The following ITGB5 variants were observed in gnomAD, a reference collection of about 807,000 sequenced individuals.
The protein encoded by ITGB5 is integrin subunit beta 5, also known as integrin beta-5.
Under a neutral mutation model 84.8 loss-of-function variants are expected in ITGB5, and 38 were observed. The observed-to-expected ratio is 0.45, with a 90% CI of 0.35 to 0.59. The LOEUF is 0.59. Among genes scored for constraint, ITGB5 ranks in the 20% least tolerant of loss-of-function variants. ITGB5 has a pLI of 0.01. For missense variants in ITGB5, 905 were observed against 1,034.5 expected (o/e 0.87, Z 1.72); for synonymous variants, 393 against 414.4 (o/e 0.95, Z 0.63).
chr3:124,797,803 A>G (rs2064253546), intron 9 of ITGB5, among the ~76,000 whole-genome samples: 1 of 152,128 alleles, frequency 6.6e-6, no homozygotes, highest in Non-Finnish European at 1.5e-5. Flanking sequence ...TGTGGATTCT[A>G]TGAAAACGCA....
chr3:124,848,549 G>A lies in ITGB5; in HGVS notation c.371C>T (p.Thr124Ile), dbSNP rs1211846260. 21 of 1,611,492 alleles carry A rather than the reference G, an allele frequency of 1.3e-5. No individual in the cohort carries two copies. Among genetic ancestry groups the A allele is most frequent in the Non-Finnish European group, 1.8e-5 (21 of 1,179,552 alleles). The change falls in exon 4 of 15, where the codon ACC becomes ATC. Residue 124 changes from threonine to isoleucine, a missense_variant. By Grantham distance (89) the Thr-to-Ile change is moderately conservative (BLOSUM62 -1). This residue lies in a region of ITGB5 where 656 missense variants were observed against 734.7 expected (regional missense o/e 0.89). Coordinates refer to ENST00000296181, the MANE Select transcript of ITGB5 (RefSeq NM_002213.5). ...CTGGCGAACCTGTAGCTGGAAGGTG[G>A]TCTTGTCACCTGCACCAACAGAGAG... is the stretch of plus-strand genomic sequence containing the variant. Reference protein sequence around the residue: ...IAVNLRPGDKTTFQLQVRQVE... With the variant: ...IAVNLRPGDKITFQLQVRQVE...
chr3:124,859,532 G>T, intron 2 of ITGB5, 86 bp from the exon 3 acceptor site: 1 of 1,011,020 alleles, frequency 9.9e-7, no homozygotes, highest in Non-Finnish European at 1.5e-6. Flanking sequence ...TCTCCATCTG[G>T]TTGACCTTAA....
chr3:124,896,763 A>AAT (rs1553770151), intron 1 of ITGB5, among the ~76,000 whole-genome samples: 12 of 145,150 alleles, frequency 8.3e-5, no homozygotes, highest in East Asian at 4.2e-4. Context: ...AAAAAAAAAA[A>AAT]GGGAGAAGAA....
intron 5 of ITGB5, among the ~76,000 whole-genome samples, chr3:124,827,448 T>C (rs1320674066): frequency 6.6e-6 from 1 of 152,264 alleles, no homozygotes; most frequent in Admixed American, 6.5e-5. Context: ...TATGTGAAGC[T>C]ATATAACTGT....
chr3:124,868,618 C>T (rs7636895), intron 2 of ITGB5, among the ~76,000 whole-genome samples: 12 of 68,140 alleles, frequency 1.8e-4, no homozygotes, highest in African/African-American at 6.5e-4. Context: ...TGTTCTCTAC[C>T]AAAAAAAAAA....
intron 1 of ITGB5, among the ~76,000 whole-genome samples, chr3:124,881,219 G>T (rs1934551223): frequency 6.6e-6 from 1 of 151,986 alleles, no homozygotes; most frequent in African/African-American, 2.4e-5. Flanking sequence ...CCTGACCTCA[G>T]GTAATCTGCC....
At position 124,794,366 on chromosome 3, in the gene ITGB5, C is replaced by T. The variant is rs1049833869; in HGVS notation, c.1693+2022G>A. ...GAAAATTAAGGGCTCCAACACAACA[C>T]ACTAAAAAAGTACCTCTCCTTCTGA... On this transcript the variant is annotated intron_variant, in intron 10 of 14. Coordinates refer to ENST00000296181, the MANE Select transcript of ITGB5 (RefSeq NM_002213.5). Among the ~76,000 whole-genome samples, 15 of 152,270 alleles carry T rather than the reference C, an allele frequency of 9.9e-5. No individual in the cohort carries two copies. In the South Asian group the frequency reaches 1.0e-3, roughly 11 times the overall value.
chr3:124,842,320 C>T (rs557479723), intron 4 of ITGB5, among the ~76,000 whole-genome samples: 1 of 152,366 alleles, frequency 6.6e-6, no homozygotes, highest in South Asian at 2.1e-4. Flanking sequence ...CCTTTTCAGT[C>T]TCCTGTGGAG....
At chr3:124,822,418 T>A (rs75871784) in intron 5 of ITGB5, among the ~76,000 whole-genome samples, 3,766 of 152,328 alleles carry the variant, frequency 0.025, 178 homozygotes, top group African/African-American at 0.086. Flanking sequence ...GAGACTGGAT[T>A]CACAGACCTT....
chr3:124,773,113 G>T (rs2063871992), intron 11 of ITGB5, among the ~76,000 whole-genome samples: 1 of 151,914 alleles, frequency 6.6e-6, no homozygotes, highest in Non-Finnish European at 1.5e-5. Context: ...CACCATGTTG[G>T]CCAGGCTGGT....
intron 8 of ITGB5, among the ~76,000 whole-genome samples, chr3:124,811,913 C>A (rs1471084999): frequency 6.6e-6 from 1 of 152,156 alleles, no homozygotes; most frequent in Non-Finnish European, 1.5e-5. Context: ...TCTTTCTAAT[C>A]CCCACACCTG....
intron 10 of ITGB5, among the ~76,000 whole-genome samples, chr3:124,775,215 C>T (rs138418397): frequency 7.2e-5 from 11 of 151,904 alleles, no homozygotes; most frequent in Admixed American, 1.3e-4. Context: ...TGTGAGAAAG[C>T]GAGTGTGAGT....
chr3:124,796,354 G>A (rs1390116641), intron 10 of ITGB5, 34 bp downstream of exon 10: 2 of 1,561,252 alleles, frequency 1.3e-6, no homozygotes, highest in Non-Finnish European at 1.7e-6. Flanking sequence ...TCTTGGCCTG[G>A]CTCAGAGCTA....
chr3:124,890,138 G>C (rs944707880), upstream of ITGB5, among the ~76,000 whole-genome samples: 2 of 152,018 alleles, frequency 1.3e-5, no homozygotes, highest in African/African-American at 4.8e-5. Flanking sequence ...ACGGGGCGTG[G>C]AGTCCTGGAA....
At chr3:124,808,693 T>C (rs776503485) in intron 9 of ITGB5, among the ~76,000 whole-genome samples, 5 of 152,224 alleles carry the variant, frequency 3.3e-5, no homozygotes, top group Non-Finnish European at 7.3e-5. Flanking sequence ...ACAGGTCTCC[T>C]GGATTCCTAC....
intron 9 of ITGB5, among the ~76,000 whole-genome samples, 158 bp downstream of exon 9, chr3:124,808,864 T>A (rs2064451742): frequency 1.3e-5 from 2 of 152,146 alleles, no homozygotes; most frequent in South Asian, 4.1e-4. Flanking sequence ...TCTGAACACA[T>A]CATGCAAAAC....
chr3:124,828,237 A>G (rs752651724), intron 5 of ITGB5, among the ~76,000 whole-genome samples: 21 of 152,246 alleles, frequency 1.4e-4, no homozygotes, highest in Non-Finnish European at 2.8e-4. Flanking sequence ...AGACATGAAC[A>G]TGAACATTTA....
At chr3:124,830,419 CTG>C (rs2064844094) in intron 5 of ITGB5, among the ~76,000 whole-genome samples, 1 of 152,238 alleles carries the variant, frequency 6.6e-6, no homozygotes, top group African/African-American at 2.4e-5. Context: ...TTCATGGTCA[CTG>C]TGGCCAAATA....
chr3:124,846,883 C>T lies in ITGB5; in HGVS notation c.611+1426G>A, dbSNP rs369714671. ...CCGGGAGGCGGAGGTTGCAGGGAGC[C>T]GAGATTGCACCACTGCACTCCAGCC... On this transcript the variant is annotated intron_variant, in intron 4 of 14. Coordinates refer to ENST00000296181, the MANE Select transcript of ITGB5 (RefSeq NM_002213.5). 9.2e-5 allele frequency among the ~76,000 whole-genome samples: 14 copies of T among 152,094 alleles called. No homozygotes were observed. The East Asian group carries it at 2.3e-3, about 25-fold the overall frequency.
Sources: allele counts gnomAD v4.1 joint callset (sites outside exome capture counted in the v4.1 genomes callset), GRCh38; gene constraint gnomAD v4.1.1; regional missense constraint gnomAD v4.1.1; transcripts MANE v1.5; gene names NCBI Gene and HGNC (gene_info 2026-07-23, HGNC 2026-07-21).